The following CRTC1 variants were observed in gnomAD, a reference collection of about 807,000 sequenced individuals.
CRTC1 encodes the protein CREB-regulated transcription coactivator 1.
Under a neutral mutation model 66.1 loss-of-function variants are expected in CRTC1, and 18 were observed. The observed-to-expected ratio is 0.27, with a 90% CI of 0.19 to 0.40. The LOEUF (loss-of-function observed/expected upper bound fraction) is 0.40. CRTC1 is among the 10% of genes least tolerant of loss of function. The pLI is 1.00. For synonymous variants in CRTC1, 416 were observed against 398.8 expected, an observed-to-expected ratio of 1.04 and a Z score of -0.51; for missense variants, 669 against 887.9, an observed-to-expected ratio of 0.75 and a Z score of 3.13.
intron 1 of CRTC1, among the ~76,000 whole-genome samples, chr19:18,724,717 C>T (rs571779474): frequency 2.8e-5 from 4 of 145,204 alleles, no homozygotes; most frequent in Admixed American, 7.1e-5. Flanking sequence ...AGCAGTCACC[C>T]GATGTAGGGT....
chr19:18,701,270 T>A (rs2145532678), intron 1 of CRTC1, among the ~76,000 whole-genome samples: 1 of 152,320 alleles, frequency 6.6e-6, no homozygotes, highest in East Asian at 1.9e-4. Context: ...TGCCAAACAG[T>A]CCCTCCCTTC....
At chr19:18,753,802 C>T (rs2054424824) in intron 6 of CRTC1, among the ~76,000 whole-genome samples, 1 of 152,034 alleles carries the variant, frequency 6.6e-6, no homozygotes, top group African/African-American at 2.4e-5. Flanking sequence ...CGGAACTGCA[C>T]AAAAATTACA....
intron 1 of CRTC1, among the ~76,000 whole-genome samples, chr19:18,701,598 G>A (rs1427369557): frequency 6.6e-6 from 1 of 152,128 alleles, no homozygotes; most frequent in Non-Finnish European, 1.5e-5. Context: ...TTTCTTATGA[G>A]ATAGGATTTT....
intron 1 of CRTC1, among the ~76,000 whole-genome samples, chr19:18,693,480 TTTTTG>T (rs2052900886): frequency 1.5e-5 from 2 of 135,358 alleles, no homozygotes; most frequent in Non-Finnish European, 3.1e-5. Flanking sequence ...AACTCTTTTG[TTTTTG>T]TTTTTTTTTT....
intron 1 of CRTC1, among the ~76,000 whole-genome samples, chr19:18,694,821 T>G (rs1003090413): frequency 4.0e-5 from 6 of 151,896 alleles, no homozygotes; most frequent in African/African-American, 1.2e-4. Flanking sequence ...TTAAGGAAGA[T>G]CAGCTGCAGG....
At chr19:18,759,964 C>CCTGTCCCCGCCACCA (rs769629522) in intron 7 of CRTC1, 44 bp from the exon 8 acceptor site, 44 of 1,480,436 alleles carry the variant, frequency 3.0e-5, no homozygotes, top group Admixed American at 1.2e-4. Flanking sequence ...CCGCCAGCCC[C>CCTGTCCCCGCCACCA]GCCCCATGAG....
intron 1 of CRTC1, among the ~76,000 whole-genome samples, chr19:18,700,238 C>T (rs34931002): frequency 0.083 from 12,609 of 152,226 alleles, 718 homozygotes; most frequent in Non-Finnish European, 0.12. Context: ...TTGAAGGGTG[C>T]GGTGAGGCCC....
rs1340839791 is a variant in CRTC1, at chr19:18,780,459, C to T, written c.*3077C>T. The T allele has an allele frequency of 4.3e-6, 1 of 231,790 alleles. No individual in the cohort carries two copies. Among genetic ancestry groups the T allele is most frequent in the Non-Finnish European group, 8.5e-6 (1 of 117,184 alleles). 14.4% of individuals were successfully genotyped at this position (231,790 alleles called of 1,614,324 possible). ...GTTCTTTGCCCTCATCAGGGCCCTG[C>T]TTGTGGGTTTTCGGCTCTGGGGAGG... On this transcript the variant is annotated 3_prime_UTR_variant, in exon 14 of 14. Transcript: ENST00000321949.
At chr19:18,698,169 A>G (rs906135736) in intron 1 of CRTC1, among the ~76,000 whole-genome samples, 2 of 152,136 alleles carry the variant, frequency 1.3e-5, no homozygotes, top group African/African-American at 2.4e-5. Context: ...GCAGGCGCTC[A>G]GCAGGCACTC....
At chr19:18,754,134 G>A (rs2054433762) in intron 6 of CRTC1, among the ~76,000 whole-genome samples, 1 of 151,728 alleles carries the variant, frequency 6.6e-6, no homozygotes, top group African/African-American at 2.4e-5. Flanking sequence ...AAAACCCGTT[G>A]CTGGTCAAGT....
intron 1 of CRTC1, among the ~76,000 whole-genome samples, chr19:18,705,975 T>C (rs1223052670): frequency 6.6e-6 from 1 of 150,620 alleles, no homozygotes; most frequent in Non-Finnish European, 1.5e-5. Flanking sequence ...CTCTTTTTTT[T>C]TTTTTTTAAT....
At chr19:18,685,160 GT>G (rs1226806805) in intron 1 of CRTC1, among the ~76,000 whole-genome samples, 1 of 152,064 alleles carries the variant, frequency 6.6e-6, no homozygotes, top group Non-Finnish European at 1.5e-5. Context: ...CTAGTTGTTT[GT>G]TTCTCTGAGA....
At chr19:18,710,642 C>T (rs533406851) in intron 1 of CRTC1, among the ~76,000 whole-genome samples, 9 of 152,270 alleles carry the variant, frequency 5.9e-5, no homozygotes, top group African/African-American at 1.4e-4. Context: ...GACAGAGTCT[C>T]ACTCTTTCAC....
intron 1 of CRTC1, among the ~76,000 whole-genome samples, 166 bp from the exon 2 acceptor site, chr19:18,742,744 G>C (rs567628414): frequency 6.6e-6 from 1 of 152,352 alleles, no homozygotes; most frequent in Non-Finnish European, 1.5e-5. Context: ...CATTTTTGGT[G>C]GAGGGACACC....
At position 18,777,076 on chromosome 19, in the gene CRTC1, CAG is replaced by C. The variant is rs1601029975; in HGVS notation, c.1694-92_1694-91del. On this transcript the variant is annotated intron_variant, in intron 13 of 13. Transcript: ENST00000321949. The surrounding 1 kb of genome is among the most constrained non-coding windows in gnomAD (Gnocchi z 5.5). ...AGACATTGCCAGCATACCCAGGGGACAGAGTCGCCCGGCGGGCATGCCTGGTC... is the reference window on the plus strand; with the variant it reads ...AGACATTGCCAGCATACCCAGGGGACAGTCGCCCGGCGGGCATGCCTGGTC... 1.4e-6 allele frequency: 1 copy of C among 722,736 alleles called. No homozygotes were observed. Among genetic ancestry groups the C allele is most frequent in the South Asian group, 1.6e-5 (1 of 62,654 alleles). 44.8% of individuals were successfully genotyped at this position (722,736 alleles called of 1,614,324 possible). A position where few individuals can be genotyped will look rare whatever the true frequency, so the allele number is the denominator to read the frequency against.
chr19:18,696,739 G>A (rs2052997642), intron 1 of CRTC1, among the ~76,000 whole-genome samples: 1 of 152,088 alleles, frequency 6.6e-6, no homozygotes, highest in South Asian at 2.1e-4. Flanking sequence ...TCTCCAAGGT[G>A]CCTGCCTGGG....
intron 11 of CRTC1, among the ~76,000 whole-genome samples, chr19:18,773,422 G>T (rs2054913996): frequency 6.6e-6 from 1 of 152,150 alleles, no homozygotes; most frequent in Non-Finnish European, 1.5e-5. Flanking sequence ...CTCATGGCAG[G>T]CTCACAGGGA....
intron 1 of CRTC1, among the ~76,000 whole-genome samples, chr19:18,734,442 G>A (rs1181506471): frequency 6.6e-6 from 1 of 151,432 alleles, no homozygotes; most frequent in Non-Finnish European, 1.5e-5. Context: ...GCTTACACCT[G>A]TCATCCCAGC....
In CRTC1 at chr19:18,771,986, C is replaced by T. The variant is rs1422849759; in HGVS notation, c.1425+440C>T. Among the ~76,000 whole-genome samples the T allele has an allele frequency of 1.3e-5, 2 of 152,192 alleles. No homozygotes were observed. Among genetic ancestry groups the T allele is most frequent in the Non-Finnish European group, 2.9e-5 (2 of 68,018 alleles). ...GCTGACTCTGCAGCCCTGCTTTCCC[C>T]TTCACCCCATAGGCAGCTGTGTTTC... On this transcript the variant is annotated intron_variant, in intron 11 of 13. Transcript: ENST00000321949. This position sits in a 1 kb window ranked among gnomAD's most constrained non-coding sequence, Gnocchi z 4.6.
Sources: allele counts gnomAD v4.1 joint callset (sites outside exome capture counted in the v4.1 genomes callset), GRCh38; gene constraint gnomAD v4.1.1; non-coding constraint Gnocchi (gnomAD v3.1); transcripts MANE v1.5; gene names NCBI Gene and HGNC (gene_info 2026-07-23, HGNC 2026-07-21).